The following PRKN variants were observed in gnomAD, a reference collection of about 807,000 sequenced individuals.
PRKN encodes E3 ubiquitin-protein ligase parkin.
In PRKN, 56 loss-of-function variants were observed where a neutral mutation model predicts 59.5. The ratio of observed to expected loss-of-function variants is 0.94; its 90% CI spans 0.76 to 1.18. The LOEUF is 1.18. Among genes scored for constraint, PRKN ranks in the 50% most tolerant of loss-of-function variants. PRKN has a pLI of 0.00. For synonymous variants in PRKN, 250 were observed against 222.1 expected (o/e 1.13, Z -1.12); for missense variants, 657 against 596.4 (o/e 1.10, Z -1.06).
chr6:162,008,189 G>T (rs1782335359), intron 5 of PRKN, among the ~76,000 whole-genome samples: 1 of 152,176 alleles, frequency 6.6e-6, no homozygotes, highest in Non-Finnish European at 1.5e-5. Flanking sequence ...TAGAAGTCAA[G>T]AAATTAGAGA....
chr6:162,197,248 C>T (rs1382947120), intron 4 of PRKN, among the ~76,000 whole-genome samples: 1 of 152,132 alleles, frequency 6.6e-6, no homozygotes. Flanking sequence ...TATTGCAAAG[C>T]CTAAATTTGC....
rs11967026 is a variant in PRKN at position 161,391,696 on chromosome 6, A to G, written c.1084-4819T>C. 0.076 allele frequency among the ~76,000 whole-genome samples: 11,592 copies of G among 152,082 alleles called. 540 individuals carry two copies. Among genetic ancestry groups the G allele is most frequent in the South Asian group, 0.24 (1,134 of 4,804 alleles). On this transcript the variant is annotated intron_variant, in intron 9 of 11. Coordinates refer to ENST00000366898, the MANE Select transcript of PRKN (RefSeq NM_004562.3). This position sits in a 1 kb window ranked among gnomAD's most constrained non-coding sequence, Gnocchi z 4.9. ...TGTGACTAGGATCTATAATCAGTTT[A>G]TTTTAAGTAAGAGAGATTATCCTAG...
Position 161,487,883 on chromosome 6 carries a change from C to T in PRKN, c.1083+60971G>A, listed in dbSNP as rs1777385476. 6.6e-6 allele frequency among the ~76,000 whole-genome samples: 1 copy of T among 152,192 alleles called. No individual in the cohort carries two copies. Among genetic ancestry groups the T allele is most frequent in the Non-Finnish European group, 1.5e-5 (1 of 68,038 alleles). On this transcript the variant is annotated intron_variant, in intron 9 of 11. Transcript: ENST00000366898. The surrounding 1 kb of genome is among the most constrained non-coding windows in gnomAD (Gnocchi z 5.3). ...TGCCTCCCTCCCTTCCCACCTCCCC[C>T]TACCTTCCTTCCTCTTTTTCTTCCC...
chr6:162,578,647 T>C (rs377448722), intron 1 of PRKN, among the ~76,000 whole-genome samples: 33 of 152,336 alleles, frequency 2.2e-4, no homozygotes, highest in East Asian at 1.7e-3. Flanking sequence ...GTTCATCATT[T>C]AGAATATACT....
chr6:162,502,543 T>C (rs1793422676), intron 1 of PRKN, among the ~76,000 whole-genome samples: 1 of 152,186 alleles, frequency 6.6e-6, no homozygotes. Flanking sequence ...ATGCGATATG[T>C]CTAAAGCAAA....
At chr6:162,256,506 C>A (rs2128098157) in intron 3 of PRKN, among the ~76,000 whole-genome samples, 1 of 152,270 alleles carries the variant, frequency 6.6e-6, no homozygotes, top group South Asian at 2.1e-4. Flanking sequence ...AGCCTGCCTG[C>A]ATTTTTGGCA....
chr6:162,229,058 C>G (rs1397319107), intron 3 of PRKN, among the ~76,000 whole-genome samples: 1 of 152,178 alleles, frequency 6.6e-6, no homozygotes, highest in Non-Finnish European at 1.5e-5. Context: ...CTTCTCAGTC[C>G]TATGGCTTAC....
At chr6:161,482,203 G>C (rs4142070) in intron 9 of PRKN, among the ~76,000 whole-genome samples, 68,803 of 152,090 alleles carry the variant, frequency 0.45, 16,988 homozygotes, top group Middle Eastern at 0.58. Flanking sequence ...TGTTACTCAA[G>C]TAGATTTCAC....
intron 5 of PRKN, among the ~76,000 whole-genome samples, chr6:162,047,298 T>G (rs2128283566): frequency 6.6e-6 from 1 of 152,304 alleles, no homozygotes; most frequent in Non-Finnish European, 1.5e-5. Context: ...CAGCTGCTCT[T>G]TGACCACAGT....
chr6:162,644,156 G>A (rs1232836678), intron 1 of PRKN, among the ~76,000 whole-genome samples: 1 of 151,990 alleles, frequency 6.6e-6, no homozygotes, highest in Non-Finnish European at 1.5e-5. Context: ...ATCATAAAAG[G>A]CTCCTCGGCT....
At chr6:161,655,948 C>A (rs1317596834) in intron 7 of PRKN, among the ~76,000 whole-genome samples, 1 of 149,516 alleles carries the variant, frequency 6.7e-6, no homozygotes, top group Admixed American at 6.7e-5. Context: ...CAGTCACATT[C>A]TTTGATTCAC....
At chr6:162,434,125 A>T (rs952128859) in intron 2 of PRKN, among the ~76,000 whole-genome samples, 1 of 152,180 alleles carries the variant, frequency 6.6e-6, no homozygotes, top group Admixed American at 6.5e-5. Context: ...GTACACCCAC[A>T]AAAATTATAA....
intron 6 of PRKN, among the ~76,000 whole-genome samples, chr6:161,911,994 A>G (rs1180810076): frequency 6.6e-6 from 1 of 152,068 alleles, no homozygotes; most frequent in African/African-American, 2.4e-5. Flanking sequence ...CCTGGTCAAC[A>G]TGGTGAAACA....
At chr6:162,333,766 A>T (rs1783704017) in intron 2 of PRKN, among the ~76,000 whole-genome samples, 1 of 106,442 alleles carries the variant, frequency 9.4e-6, no homozygotes, top group Admixed American at 8.5e-5. Flanking sequence ...ACTTTAAATC[A>T]AAGCTAGAAA....
At chr6:162,666,208 CT>C (rs1304314235) in intron 1 of PRKN, among the ~76,000 whole-genome samples, 1 of 151,788 alleles carries the variant, frequency 6.6e-6, no homozygotes, top group African/African-American at 2.4e-5. Flanking sequence ...GTTTTTGTTT[CT>C]ATCATGTGAG....
chr6:161,954,285 G>C (rs1790012), intron 6 of PRKN, among the ~76,000 whole-genome samples: 48,107 of 151,760 alleles, frequency 0.32, 8,217 homozygotes, highest in Non-Finnish European at 0.38. Flanking sequence ...ACTAAAGACT[G>C]GAAACTCATT....
chr6:161,552,228 GTAAAAGGAAGCGGGACA>G lies in PRKN; in HGVS notation c.934-3242_934-3226del, dbSNP rs1780045167. Among the ~76,000 whole-genome samples the G allele has an allele frequency of 1.3e-5, 2 of 152,164 alleles. No homozygotes were observed. Among genetic ancestry groups the G allele is most frequent in the South Asian group, 4.1e-4 (2 of 4,824 alleles). On this transcript the variant is annotated intron_variant, in intron 8 of 11. Transcript: ENST00000366898. The surrounding 1 kb of genome is among the most constrained non-coding windows in gnomAD (Gnocchi z 4.9). ...GTTTGGTTGCAGTTTTGCCGGAATTGTAAAAGGAAGCGGGACATCTCTCGATCACCTCTGCCTATGAC... is the reference window on the plus strand; with the variant it reads ...GTTTGGTTGCAGTTTTGCCGGAATTGTCTCTCGATCACCTCTGCCTATGAC...
At chr6:162,007,714 A>C (rs1239779629) in intron 5 of PRKN, among the ~76,000 whole-genome samples, 3 of 152,184 alleles carry the variant, frequency 2.0e-5, no homozygotes, top group Non-Finnish European at 4.4e-5. Flanking sequence ...GGAAGGAAAA[A>C]AAATAAGGAA....
intron 6 of PRKN, among the ~76,000 whole-genome samples, chr6:161,839,634 TG>T (rs888625405): frequency 6.6e-6 from 1 of 152,188 alleles, no homozygotes; most frequent in Non-Finnish European, 1.5e-5. Context: ...TAGATATCCC[TG>T]TCCCTTGATT....
Sources: gnomAD v4.1 joint callset for allele counts (sites outside exome capture counted in the v4.1 genomes callset) on GRCh38, gnomAD v4.1.1 for gene constraint, Gnocchi (gnomAD v3.1) non-coding constraint, MANE v1.5 for transcripts, NCBI Gene and HGNC (gene_info 2026-07-23, HGNC 2026-07-21) for gene names.